NBEA: variants seen among roughly 807,000 people sequenced by gnomAD.
The protein encoded by NBEA is lysosomal-trafficking regulator 2.
A neutral mutation model predicts 343.4 loss-of-function variants in NBEA; 44 were observed. That is an observed-to-expected ratio of 0.13 (90% CI 0.10 to 0.16). The LOEUF (loss-of-function observed/expected upper bound fraction) is 0.16, where lower values mean the gene tolerates loss of function less well. NBEA is among the 10% of genes least tolerant of loss of function. The probability of loss-of-function intolerance (pLI) is 1.00; values close to 1 mark genes in which losing one functional copy is unlikely to be tolerated. For missense variants in NBEA, 2,555 were observed against 3,631.3 expected, an observed-to-expected ratio of 0.70 and a Z score of 7.62; for synonymous variants, 1,175 against 1,238.7, an observed-to-expected ratio of 0.95 and a Z score of 1.08.
intron 53 of NBEA, among the ~76,000 whole-genome samples, chr13:35,652,856 G>A (rs374641491): frequency 6.6e-6 from 1 of 150,864 alleles, no homozygotes; most frequent in African/African-American, 2.4e-5. Context: ...CACCGCGCCC[G>A]GCTAATTTTT....
intron 49 of NBEA, among the ~76,000 whole-genome samples, chr13:35,643,245 C>T (rs2153074701): frequency 6.6e-6 from 1 of 152,142 alleles, no homozygotes; most frequent in East Asian, 1.9e-4. Flanking sequence ...AGAACCTATT[C>T]CCCTTCCCCT....
chr13:35,539,662 A>C (rs1475964484), intron 41 of NBEA, among the ~76,000 whole-genome samples: 1 of 84,002 alleles, frequency 1.2e-5, no homozygotes, highest in Non-Finnish European at 3.8e-5. Context: ...CACGCCTGTA[A>C]TACCAGCACT....
intron 33 of NBEA, among the ~76,000 whole-genome samples, chr13:35,219,880 C>G (rs373275219): frequency 6.6e-6 from 1 of 152,130 alleles, no homozygotes; most frequent in East Asian, 1.9e-4. Context: ...AGCCTTCTTC[C>G]ATGAAGGAGG....
chr13:35,412,278 C>A (rs1312151410), intron 38 of NBEA, among the ~76,000 whole-genome samples: 1 of 151,882 alleles, frequency 6.6e-6, no homozygotes, highest in African/African-American at 2.4e-5. Context: ...CAACAGGACA[C>A]AAGACATGTT....
intron 34 of NBEA, among the ~76,000 whole-genome samples, chr13:35,255,591 C>T (rs977270828): frequency 1.1e-4 from 17 of 152,212 alleles, no homozygotes; most frequent in Non-Finnish European, 1.3e-4. Context: ...GTGCATCATA[C>T]GCAGCTTCCA....
At chr13:35,569,187 G>C (rs1045193351) in intron 45 of NBEA, among the ~76,000 whole-genome samples, 2 of 152,150 alleles carry the variant, frequency 1.3e-5, no homozygotes, top group Non-Finnish European at 2.9e-5. Flanking sequence ...TATTGGATGA[G>C]AATATTTGAA....
chr13:35,287,117 G>A (rs982026822), intron 34 of NBEA, among the ~76,000 whole-genome samples: 1 of 151,796 alleles, frequency 6.6e-6, no homozygotes, highest in Non-Finnish European at 1.5e-5. Flanking sequence ...TTCCTCATAG[G>A]CCCCCACACA....
intron 34 of NBEA, among the ~76,000 whole-genome samples, chr13:35,257,148 A>G (rs1191631254): frequency 6.6e-6 from 1 of 152,226 alleles, no homozygotes; most frequent in Non-Finnish European, 1.5e-5. Flanking sequence ...TACAGAGAAA[A>G]ATTATAGATA....
chr13:35,471,819 A>G (rs776941561), intron 40 of NBEA, among the ~76,000 whole-genome samples: 1 of 152,186 alleles, frequency 6.6e-6, no homozygotes, highest in South Asian at 2.1e-4. Context: ...TAAGAACTTT[A>G]TGTAATGTCC....
intron 34 of NBEA, among the ~76,000 whole-genome samples, chr13:35,236,352 A>G (rs950483630): frequency 1.6e-4 from 24 of 152,110 alleles, no homozygotes; most frequent in Admixed American, 3.9e-4. Context: ...TAAAGAAGTT[A>G]CATACTATCA....
rs374675623 is a variant in NBEA, at chr13:35,667,615, T to G, written c.8661+45T>G. The G allele has an allele frequency of 8.7e-6, 13 of 1,493,164 alleles. No individual in the cohort carries two copies. The African/African-American group carries it at 1.5e-4, about 17-fold the overall frequency. 92.5% of individuals were successfully genotyped at this position (1,493,164 alleles called of 1,614,324 possible). A position where few individuals can be genotyped will look rare whatever the true frequency, so the allele number is the denominator to read the frequency against. ...GCTAAGTAGGACTGAAGCCAAGAGA[T>G]TAAAGATTGATTGTTTTACATTAAA... On this transcript the variant is annotated intron_variant, in intron 57 of 58. Transcript: ENST00000379939.
rs1232950107 is a variant in NBEA at position 34,942,854 on chromosome 13, C to T, written c.34C>T (p.Leu12Phe). ...ASEKPGPGPGLEPQPVGLIAV... is the reference protein window; with the variant it reads ...ASEKPGPGPGFEPQPVGLIAV... ...CGAGAAGCCGGGCCCGGGCCCGGGG[C>T]TCGAGCCTCAGCCCGTGGGGCTCAT... Residue 12 changes from leucine to phenylalanine, a missense_variant, in exon 1 of 59, where the codon CTC becomes TTC. Physicochemically the swap from Leu to Phe is conservative, Grantham distance 22. Coordinates refer to ENST00000379939, the MANE Select transcript of NBEA (RefSeq NM_001385012.1). The T allele has an allele frequency of 1.5e-6, 2 of 1,373,730 alleles. No individual in the cohort carries two copies. The highest frequency in any genetic ancestry group is 3.1e-5 in the African/African-American group (2 of 64,660). The allele number at this position is 1,373,730 out of a possible 1,614,324, so 85.1% of individuals were successfully genotyped here.
intron 7 of NBEA, among the ~76,000 whole-genome samples, chr13:35,057,904 TG>T (rs1325319281): frequency 6.6e-6 from 1 of 152,196 alleles, no homozygotes; most frequent in Non-Finnish European, 1.5e-5. Flanking sequence ...TTTTTGCCTT[TG>T]TTCTCCATTC....
At chr13:35,580,939 A>G (rs1371394852) in intron 45 of NBEA, among the ~76,000 whole-genome samples, 1 of 152,184 alleles carries the variant, frequency 6.6e-6, no homozygotes, top group Non-Finnish European at 1.5e-5. Flanking sequence ...CAGAAGTGTA[A>G]GAGAAGATTG....
At chr13:35,288,941 A>T (rs1170916043) in intron 34 of NBEA, among the ~76,000 whole-genome samples, 1 of 151,952 alleles carries the variant, frequency 6.6e-6, no homozygotes, top group Non-Finnish European at 1.5e-5. Flanking sequence ...TGTCTCGTAA[A>T]TGAGCTTCTC....
chr13:35,468,062 T>C (rs80172143), intron 40 of NBEA, among the ~76,000 whole-genome samples: 3,135 of 151,170 alleles, frequency 0.021, 116 homozygotes, highest in African/African-American at 0.069. Context: ...CATCGTTGCC[T>C]TTTAATCACT....
intron 34 of NBEA, among the ~76,000 whole-genome samples, chr13:35,254,140 G>T (rs575086051): frequency 3.3e-5 from 5 of 151,524 alleles, no homozygotes; most frequent in Admixed American, 2.0e-4. Context: ...CACCTTTTTG[G>T]GGAAACTATT....
intron 18 of NBEA, among the ~76,000 whole-genome samples, chr13:35,146,766 CCTG>C (rs947189191): frequency 5.3e-5 from 8 of 152,234 alleles, no homozygotes; most frequent in African/African-American, 1.9e-4. Context: ...ATCATTTGGG[CCTG>C]CTGCTGTCTC....
chr13:35,195,465 T>A (rs879603176), intron 30 of NBEA, among the ~76,000 whole-genome samples: 1 of 151,960 alleles, frequency 6.6e-6, no homozygotes, highest in Non-Finnish European at 1.5e-5. Flanking sequence ...GTGGCATGAT[T>A]TCAGTTCACT....
Sources: gnomAD v4.1 joint callset for allele counts (sites outside exome capture counted in the v4.1 genomes callset) on GRCh38, gnomAD v4.1.1 for gene constraint, MANE v1.5 for transcripts, NCBI Gene and HGNC (gene_info 2026-07-23, HGNC 2026-07-21) for gene names.